TC2N: variants seen among roughly 807,000 people sequenced by gnomAD.
TC2N encodes tandem C2 domains, nuclear, also known as tandem C2 domains nuclear protein.
A neutral mutation model predicts 61.9 loss-of-function variants in TC2N; 51 were observed. The ratio of observed to expected loss-of-function variants is 0.82; its 90% CI spans 0.66 to 1.04. TC2N has a LOEUF of 1.04. Ranked by LOEUF, TC2N falls within the 50% of genes least tolerant of loss-of-function variation. The probability of loss-of-function intolerance (pLI) is 0.00; values close to 1 mark genes in which losing one functional copy is unlikely to be tolerated. For synonymous variants in TC2N, 204 were observed against 192.6 expected, an observed-to-expected ratio of 1.06 and a Z score of -0.49; for missense variants, 556 against 566.7, an observed-to-expected ratio of 0.98 and a Z score of 0.19.
chr14:91,808,921 T>C (rs1473985349), intron 3 of TC2N, among the ~76,000 whole-genome samples: 1 of 152,174 alleles, frequency 6.6e-6, no homozygotes, highest in Non-Finnish European at 1.5e-5. Flanking sequence ...CAACATATTA[T>C]GTGGATGAAA....
At chr14:91,845,442 T>G (rs11847266) in intron 1 of TC2N, among the ~76,000 whole-genome samples, 227 of 152,262 alleles carry the variant, frequency 1.5e-3, no homozygotes, top group African/African-American at 5.3e-3. Flanking sequence ...TTTTGTTAAG[T>G]CACAGATTTA....
chr14:91,803,401 ACG>A (rs1491159255), intron 3 of TC2N, among the ~76,000 whole-genome samples: 2 of 125,448 alleles, frequency 1.6e-5, no homozygotes, highest in Non-Finnish European at 3.2e-5. Context: ...ACACACACAC[ACG>A]TACATACATA....
chr14:91,801,963 A>G (rs1886270713), intron 4 of TC2N, among the ~76,000 whole-genome samples: 1 of 152,220 alleles, frequency 6.6e-6, no homozygotes, highest in South Asian at 2.1e-4. Flanking sequence ...TATCATAATT[A>G]ACTATAGTCT....
At chr14:91,841,656 T>C (rs570649493) in intron 1 of TC2N, among the ~76,000 whole-genome samples, 1 of 152,288 alleles carries the variant, frequency 6.6e-6, no homozygotes, top group African/African-American at 2.4e-5. Flanking sequence ...TATGGACTTT[T>C]CCACAGCCCC....
At chr14:91,858,926 C>T (rs1156361157) in intron 1 of TC2N, among the ~76,000 whole-genome samples, 1 of 152,112 alleles carries the variant, frequency 6.6e-6, no homozygotes, top group Non-Finnish European at 1.5e-5. Flanking sequence ...CCTTTAATAG[C>T]CCAAACAACA....
At chr14:91,798,497 A>G (rs987857039) in intron 6 of TC2N, 98 bp from the exon 7 acceptor site, 2 of 691,914 alleles carry the variant, frequency 2.9e-6, no homozygotes, top group South Asian at 1.8e-5. Flanking sequence ...CAATTTTAAA[A>G]TGCTACAATT....
intron 1 of TC2N, among the ~76,000 whole-genome samples, chr14:91,835,216 T>C (rs1887950034): frequency 6.6e-6 from 1 of 152,250 alleles, no homozygotes; most frequent in Non-Finnish European, 1.5e-5. Context: ...TAACTCATAT[T>C]CATTAGCAAA....
rs545748359 is a variant in TC2N, at chr14:91,866,872, C to T, written c.-57+390G>A. 2.0e-5 allele frequency among the ~76,000 whole-genome samples: 3 copies of T among 152,324 alleles called. No individual in the cohort carries two copies. The South Asian group carries it at 6.2e-4, about 32-fold the overall frequency. ...GGTAAAGCAAGTAGCATTTGGGGTTCCAGCAGCCTCTAGAACTGTTTCCCA... is the reference window on the plus strand; with the variant it reads ...GGTAAAGCAAGTAGCATTTGGGGTTTCAGCAGCCTCTAGAACTGTTTCCCA... On this transcript the variant is annotated intron_variant, in intron 1 of 11. Coordinates refer to ENST00000435962, the MANE Select transcript of TC2N (RefSeq NM_001128596.3).
chr14:91,855,811 G>T (rs145378378), intron 1 of TC2N, among the ~76,000 whole-genome samples: 1 of 152,176 alleles, frequency 6.6e-6, no homozygotes, highest in African/African-American at 2.4e-5. Context: ...GGTAAAAATG[G>T]CCTGTGAACC....
At chr14:91,856,842 A>C (rs1175133922) in intron 1 of TC2N, among the ~76,000 whole-genome samples, 1 of 152,160 alleles carries the variant, frequency 6.6e-6, no homozygotes, top group Non-Finnish European at 1.5e-5. Flanking sequence ...GTGCCACCAG[A>C]GTTTACCTTA....
intron 1 of TC2N, among the ~76,000 whole-genome samples, chr14:91,814,350 GAAAGGTCAAAAA>G (rs1400234176): frequency 6.9e-6 from 1 of 145,852 alleles, no homozygotes; most frequent in Non-Finnish European, 1.5e-5. Flanking sequence ...GATGAAAAGG[GAAAGGTCAAAAA>G]AAAAAAAAGT....
At chr14:91,819,222 C>T (rs1000875732) in intron 1 of TC2N, among the ~76,000 whole-genome samples, 2 of 151,976 alleles carry the variant, frequency 1.3e-5, no homozygotes, top group South Asian at 2.1e-4. Flanking sequence ...CCCAGCTACT[C>T]GGGAGGCTGA....
intron 1 of TC2N, among the ~76,000 whole-genome samples, chr14:91,841,078 C>A (rs754399266): frequency 4.6e-5 from 7 of 152,122 alleles, no homozygotes; most frequent in Non-Finnish European, 1.0e-4. Flanking sequence ...CCAGTGGGGT[C>A]AAAGGAAATC....
chr14:91,824,155 T>C (rs975357063), intron 1 of TC2N, among the ~76,000 whole-genome samples: 3 of 152,174 alleles, frequency 2.0e-5, no homozygotes, highest in Admixed American at 6.5e-5. Flanking sequence ...GTAAAAAGAC[T>C]TAAATACTTC....
At chr14:91,823,324 C>T (rs1266860256) in intron 1 of TC2N, among the ~76,000 whole-genome samples, 1 of 151,498 alleles carries the variant, frequency 6.6e-6, no homozygotes, top group Non-Finnish European at 1.5e-5. Flanking sequence ...AGTTCGAGAC[C>T]AGCCTGACCA....
At chr14:91,802,077 C>A (rs1047003841) in intron 4 of TC2N, among the ~76,000 whole-genome samples, 177 bp downstream of exon 4, 2 of 152,138 alleles carry the variant, frequency 1.3e-5, no homozygotes, top group Non-Finnish European at 2.9e-5. Context: ...TCTTTCAATT[C>A]TTATATTAGA....
intron 8 of TC2N, among the ~76,000 whole-genome samples, chr14:91,797,082 A>C (rs1885934431): frequency 6.6e-6 from 1 of 152,082 alleles, no homozygotes; most frequent in Admixed American, 6.6e-5. Context: ...GATAATTTCT[A>C]AGAAGTTGTA....
Position 91,798,355 on chromosome 14 carries a change from T to C in TC2N, c.682A>G (p.Asn228Asp). The C allele has an allele frequency of 6.3e-7, 1 of 1,596,466 alleles. No homozygotes were observed. The highest frequency in any genetic ancestry group is 8.5e-7 in the Non-Finnish European group (1 of 1,170,130). Residue 228 changes from asparagine to aspartate, a missense_variant, in exon 7 of 12, where the codon AAT becomes GAT. Transcript: ENST00000435962. ...SGDERDFGRL[N>D]VKLFYNSSVE... ...GAAGAATTATAAAACAATTTCACAT[T>C]CAGTCTCCCAAAGTCCCTTTCATCT... is the stretch of plus-strand genomic sequence containing the variant.
intron 3 of TC2N, among the ~76,000 whole-genome samples, chr14:91,803,096 C>T (rs1286302749): frequency 6.6e-6 from 1 of 152,042 alleles, no homozygotes; most frequent in East Asian, 1.9e-4. Context: ...TTCATGAACA[C>T]TTACTTTATA....
Sources: gnomAD v4.1 joint callset for allele counts (sites outside exome capture counted in the v4.1 genomes callset) on GRCh38, gnomAD v4.1.1 for gene constraint, MANE v1.5 for transcripts, NCBI Gene and HGNC (gene_info 2026-07-23, HGNC 2026-07-21) for gene names.